Variants in UGGT2 observed in about 807,000 individuals in gnomAD.
UGGT2 encodes the protein UDP-glucose:glycoprotein glucosyltransferase 2.
A neutral mutation model predicts 192.1 loss-of-function variants in UGGT2; 180 were observed. That is an observed-to-expected ratio of 0.94 (90% CI 0.83 to 1.06). The LOEUF (loss-of-function observed/expected upper bound fraction) is 1.06, where lower values mean the gene tolerates loss of function less well. Ranked by LOEUF, UGGT2 falls within the 50% of genes least tolerant of loss-of-function variation. The pLI is 0.00. For missense variants in UGGT2, 1,849 were observed against 1,795.7 expected (o/e 1.03, Z -0.54); for synonymous variants, 580 against 591.0 (o/e 0.98, Z 0.27).
chr13:95,993,879 C>T (rs1401835106), intron 7 of UGGT2, among the ~76,000 whole-genome samples: 1 of 151,892 alleles, frequency 6.6e-6, no homozygotes, highest in African/African-American at 2.4e-5. Flanking sequence ...GGAAAATGTA[C>T]ATGAAATTAC....
intron 15 of UGGT2, among the ~76,000 whole-genome samples, chr13:95,945,297 C>CA (rs1051022185): frequency 1.3e-5 from 2 of 152,014 alleles, no homozygotes; most frequent in African/African-American, 4.8e-5. Flanking sequence ...TGAAAACAGG[C>CA]AAACACTTTT....
At chr13:95,971,945 GAATTA>G (rs2050786140) in intron 11 of UGGT2, among the ~76,000 whole-genome samples, 1 of 151,992 alleles carries the variant, frequency 6.6e-6, no homozygotes, top group African/African-American at 2.4e-5. Flanking sequence ...CTGAACATCT[GAATTA>G]AAGTATCATG....
chr13:95,882,278 G>T (rs936982571), intron 27 of UGGT2, among the ~76,000 whole-genome samples: 2 of 152,154 alleles, frequency 1.3e-5, no homozygotes, highest in African/African-American at 4.8e-5. Context: ...TGTCAATGTA[G>T]TGACAATCAT....
At position 95,807,756 on chromosome 13, in the gene UGGT2, C is replaced by T. The variant is rs933146742; in HGVS notation, c.4529-5944G>A. On this transcript the variant is annotated intron_variant, in intron 38 of 38. Transcript: ENST00000376747. ...TTTTTGCCGTATTCACAATCTCTTT[C>T]ATGATTTCCTTGGTTAGCTTTGTCG... is the stretch of plus-strand genomic sequence containing the variant. Among the ~76,000 whole-genome samples, 53 of 106,404 alleles carry T rather than the reference C, an allele frequency of 5.0e-4. 1 individual carries two copies. Among genetic ancestry groups the T allele is most frequent in the African/African-American group, 2.0e-3 (53 of 26,484 alleles). The allele number at this position is 106,404 out of a possible 152,430, so 69.8% of individuals were successfully genotyped here.
intron 12 of UGGT2, among the ~76,000 whole-genome samples, chr13:95,958,132 T>A (rs374790953): frequency 6.6e-6 from 1 of 152,058 alleles, no homozygotes; most frequent in East Asian, 1.9e-4. Context: ...GCTGCTATAG[T>A]CCTTTGGCTC....
At chr13:95,874,461 T>C (rs1326474130) in intron 29 of UGGT2, among the ~76,000 whole-genome samples, 2 of 152,140 alleles carry the variant, frequency 1.3e-5, no homozygotes, top group African/African-American at 4.8e-5. Flanking sequence ...ACTAAGTGAC[T>C]CATGGGCAGA....
At chr13:95,845,757 G>A (rs1436291705) in intron 36 of UGGT2, among the ~76,000 whole-genome samples, 1 of 151,950 alleles carries the variant, frequency 6.6e-6, no homozygotes, top group South Asian at 2.1e-4. Flanking sequence ...GCGGGGCAGA[G>A]ACACTCCTCA....
At chr13:96,047,661 AC>A (rs1234638471) in intron 1 of UGGT2, among the ~76,000 whole-genome samples, 7 of 152,164 alleles carry the variant, frequency 4.6e-5, no homozygotes, top group African/African-American at 1.7e-4. Context: ...CAAATGGGAA[AC>A]AAAAAAAAGC....
chr13:95,999,324 A>G lies in UGGT2; in HGVS notation c.661-17T>C. The G allele has an allele frequency of 6.2e-7, 1 of 1,610,568 alleles. No individual in the cohort carries two copies. The highest frequency in any genetic ancestry group is 8.5e-7 in the Non-Finnish European group (1 of 1,177,208). ...GCTTGGTTTCTGTTCAAACACATTT[A>G]TTTTATAAAAAGCGAAAAGAGTTAG... is the stretch of plus-strand genomic sequence containing the variant. On this transcript the variant is annotated splice_polypyrimidine_tract_variant and intron_variant, in intron 5 of 38. Transcript: ENST00000376747.
chr13:95,905,867 C>T (rs1318377146), intron 20 of UGGT2, among the ~76,000 whole-genome samples: 1 of 152,056 alleles, frequency 6.6e-6, no homozygotes, highest in Admixed American at 6.6e-5. Context: ...GCTCTATAAT[C>T]CATCTGGAAT....
intron 1 of UGGT2, among the ~76,000 whole-genome samples, chr13:96,039,007 T>C (rs936794980): frequency 2.6e-5 from 4 of 152,226 alleles, no homozygotes; most frequent in African/African-American, 9.6e-5. Flanking sequence ...GAGACAGGCA[T>C]AGGATGGACA....
intron 26 of UGGT2, among the ~76,000 whole-genome samples, chr13:95,887,648 T>C (rs1196204346): frequency 2.0e-5 from 3 of 152,190 alleles, no homozygotes; most frequent in Non-Finnish European, 4.4e-5. Context: ...CAAAAATACC[T>C]ATGAATAAAT....
chr13:95,823,869 A>AT (rs984143716), intron 38 of UGGT2, among the ~76,000 whole-genome samples: 15 of 151,432 alleles, frequency 9.9e-5, no homozygotes, highest in African/African-American at 3.1e-4. Context: ...TTTATTTTTT[A>AT]TTTTTTGCTT....
chr13:95,818,003 G>A (rs1406506165), intron 38 of UGGT2, among the ~76,000 whole-genome samples: 1 of 152,152 alleles, frequency 6.6e-6, no homozygotes, highest in Non-Finnish European at 1.5e-5. Context: ...GAACCTGGGA[G>A]AAAAATGCAT....
intron 20 of UGGT2, among the ~76,000 whole-genome samples, chr13:95,909,431 G>T: frequency 6.6e-6 from 1 of 151,458 alleles, no homozygotes; most frequent in Non-Finnish European, 1.5e-5. Context: ...CATAAAAAAT[G>T]ATGAGTTCAT....
At chr13:95,835,639 G>A (rs1366073361) in intron 37 of UGGT2, among the ~76,000 whole-genome samples, 2 of 152,042 alleles carry the variant, frequency 1.3e-5, no homozygotes, top group Non-Finnish European at 2.9e-5. Flanking sequence ...GTTCAAAATT[G>A]TGTGAATTCT....
In UGGT2 at chr13:95,890,948, G is replaced by C. The variant is rs770823413; in HGVS notation, c.2872C>G (p.Pro958Ala). 1.2e-6 allele frequency: 2 copies of C among 1,611,224 alleles called. No individual in the cohort carries two copies. Among genetic ancestry groups the C allele is most frequent in the Non-Finnish European group, 1.7e-6 (2 of 1,178,530 alleles). ...RENHSVIKTN[P>A]QENDMFFNVI... ...TTGAAGAACATATCATTCTCTTGAG[G>C]ATTCGTCTTTATAACACTAAGAAAA... The change falls in exon 25 of 39, where the codon CCT (proline) becomes GCT (alanine). Residue 958 changes from proline (P) to alanine (A), a missense_variant. By Grantham distance (27) the Pro-to-Ala change is conservative (BLOSUM62 -1). Transcript: ENST00000376747.
At chr13:95,942,228 GT>G (rs56346929) in intron 15 of UGGT2, among the ~76,000 whole-genome samples, 2,493 of 36,350 alleles carry the variant, frequency 0.069, 76 homozygotes, top group African/African-American at 0.16. Flanking sequence ...GAGGGTGTGT[GT>G]GTGTGTGTGT....
chr13:95,829,699 T>C (rs946478552), intron 38 of UGGT2, among the ~76,000 whole-genome samples: 1 of 152,216 alleles, frequency 6.6e-6, no homozygotes, highest in Admixed American at 6.5e-5. Flanking sequence ...GAACATTCCA[T>C]GCTCATGGAC....
Sources: gnomAD v4.1 joint callset for allele counts (sites outside exome capture counted in the v4.1 genomes callset) on GRCh38, gnomAD v4.1.1 for gene constraint, MANE v1.5 for transcripts, NCBI Gene and HGNC (gene_info 2026-07-23, HGNC 2026-07-21) for gene names.